Variants in EPCAM observed in about 807,000 individuals in gnomAD.
EPCAM encodes adenocarcinoma-associated antigen.
In EPCAM, 39 loss-of-function variants were observed where a neutral mutation model predicts 40.0. The observed-to-expected ratio is 0.98, with a 90% CI of 0.76 to 1.27. The LOEUF is 1.27. EPCAM is among the 50% of genes most tolerant of loss of function. The pLI is 0.00. For missense variants in EPCAM, 503 were observed against 381.2 expected, an observed-to-expected ratio of 1.32 and a Z score of -2.66; for synonymous variants, 168 against 132.3, an observed-to-expected ratio of 1.27 and a Z score of -1.85.
At chr2:47,379,688 C>A in intron 6 of EPCAM, 81 bp from the exon 7 acceptor site, 2 of 1,489,518 alleles carry the variant, frequency 1.3e-6, no homozygotes, top group Non-Finnish European at 1.8e-6. Context: ...GTTCTTTTGG[C>A]ATACAATTTG....
chr2:47,376,497 T>G (rs529699938), intron 4 of EPCAM, among the ~76,000 whole-genome samples: 1 of 152,258 alleles, frequency 6.6e-6, no homozygotes, highest in South Asian at 2.1e-4. Flanking sequence ...CAACCTCAGG[T>G]GATCTGCCCA....
At chr2:47,378,545 G>T (rs531861074) in intron 5 of EPCAM, among the ~76,000 whole-genome samples, 1 of 151,838 alleles carries the variant, frequency 6.6e-6, no homozygotes, top group African/African-American at 2.4e-5. Flanking sequence ...CAGGTGATCC[G>T]CCCACCTCAG....
intron 4 of EPCAM, among the ~76,000 whole-genome samples, chr2:47,375,740 C>G (rs1380489116): frequency 6.7e-6 from 1 of 148,796 alleles, no homozygotes; most frequent in Non-Finnish European, 1.5e-5. Flanking sequence ...GAGTCTCGCT[C>G]TGTCACCCAG....
At chr2:47,380,797 T>TA (rs1432020999) in intron 7 of EPCAM, among the ~76,000 whole-genome samples, 17 of 152,116 alleles carry the variant, frequency 1.1e-4, no homozygotes, top group African/African-American at 3.6e-4. Flanking sequence ...CAAGAAATCT[T>TA]ACTAACACTG....
intron 3 of EPCAM, 78 bp from the exon 4 acceptor site, chr2:47,375,156 A>T (rs1671388976): frequency 2.7e-6 from 3 of 1,100,410 alleles, no homozygotes; most frequent in Non-Finnish European, 4.1e-6. Context: ...TAATTCGAGA[A>T]TTTTAGGATT....
At position 47,379,022 on chromosome 2, in the gene EPCAM, A is replaced by G. The variant is rs1202678365; in HGVS notation, c.625A>G (p.Ile209Val). 2 of 1,598,836 alleles carry G rather than the reference A, an allele frequency of 1.3e-6. No individual in the cohort carries two copies. Among genetic ancestry groups the G allele is most frequent in the South Asian group, 1.1e-5 (1 of 90,770 alleles). ...SSQKTQNDVD[I>V]ADVAYYFEKD... ...TCAAAAAACTCAGAATGATGTGGAC[A>G]TAGCTGATGTGGCTTATTATTTTGA... The change falls in exon 6 of 9, where the codon ATA (isoleucine) becomes GTA (valine). Residue 209 changes from isoleucine (I) to valine (V), a missense_variant. Ile to Val is a conservative substitution (Grantham distance 29, BLOSUM62 3). Coordinates refer to ENST00000263735, the MANE Select transcript of EPCAM (RefSeq NM_002354.3).
intron 4 of EPCAM, among the ~76,000 whole-genome samples, chr2:47,376,388 C>T (rs1671428299): frequency 6.6e-6 from 1 of 151,764 alleles, no homozygotes; most frequent in Admixed American, 6.6e-5. Flanking sequence ...TCCTGAGTAG[C>T]TGGGATTACA....
intron 3 of EPCAM, among the ~76,000 whole-genome samples, chr2:47,374,469 G>A (rs1671369387): frequency 6.6e-6 from 1 of 152,178 alleles, no homozygotes; most frequent in Non-Finnish European, 1.5e-5. Context: ...TAATGAAAAG[G>A]CACAGAAACC....
At position 47,378,956 on chromosome 2, in the gene EPCAM, G is replaced by A. The variant is rs891924989; in HGVS notation, c.559G>A (p.Glu187Lys). ...ATTATTCAATTTTTTTCCCCAGTAT[G>A]AGAATAATGTTATCACTATTGATCT... Reference protein sequence around the residue: ...DPKFITSILYENNVITIDLVQ... With the variant: ...DPKFITSILYKNNVITIDLVQ... The change falls in exon 6 of 9, where the codon GAG becomes AAG. Residue 187 changes from glutamate to lysine, a missense_variant. Glu to Lys is a moderately conservative substitution (Grantham distance 56). Transcript: ENST00000263735. The A allele has an allele frequency of 1.4e-6, 2 of 1,445,036 alleles. No homozygotes were observed. Among genetic ancestry groups the A allele is most frequent in the African/African-American group, 2.8e-5 (2 of 71,502 alleles). 89.5% of individuals were successfully genotyped at this position (1,445,036 alleles called of 1,614,324 possible). A position where few individuals can be genotyped will look rare whatever the true frequency, so the allele number is the denominator to read the frequency against.
intron 8 of EPCAM, 146 bp from the exon 9 acceptor site, chr2:47,386,421 TTTTTC>T: frequency 1.6e-6 from 1 of 608,422 alleles, no homozygotes; most frequent in Non-Finnish European, 2.8e-6. Context: ...GCAATATAAC[TTTTTC>T]TTTTTTTATT....
intron 1 of EPCAM, among the ~76,000 whole-genome samples, chr2:47,370,145 C>T (rs1671213994): frequency 6.6e-6 from 1 of 152,230 alleles, no homozygotes; most frequent in Non-Finnish European, 1.5e-5. Flanking sequence ...TTCTAAGGAT[C>T]ATATGAGTAA....
intron 1 of EPCAM, among the ~76,000 whole-genome samples, chr2:47,370,705 C>G (rs1006576122): frequency 1.3e-5 from 2 of 151,616 alleles, no homozygotes; most frequent in Non-Finnish European, 2.9e-5. Flanking sequence ...TTATGCCTGG[C>G]TAATTTTTGT....
At chr2:47,378,210 C>T (rs951906652) in intron 5 of EPCAM, among the ~76,000 whole-genome samples, 3 of 151,468 alleles carry the variant, frequency 2.0e-5, no homozygotes, top group Admixed American at 6.6e-5. Flanking sequence ...CCAGCCTGGG[C>T]GACACAGCAA....
intron 4 of EPCAM, among the ~76,000 whole-genome samples, chr2:47,376,402 G>A (rs1338317523): frequency 2.0e-5 from 3 of 151,732 alleles, no homozygotes; most frequent in African/African-American, 4.8e-5. Flanking sequence ...GATTACAGGC[G>A]TGCGCCACCA....
At chr2:47,373,734 T>A in intron 2 of EPCAM, 74 bp from the exon 3 acceptor site, 1 of 1,595,544 alleles carries the variant, frequency 6.3e-7, no homozygotes, top group South Asian at 1.1e-5. Context: ...CCTGGAACTT[T>A]AGAGTTAATT....
At position 47,376,798 on chromosome 2, in the gene EPCAM, A is replaced by G. The variant is rs983397665; in HGVS notation, c.492-216A>G. ...GGGCAGATACTTGGATACTAAGTAAATGTTCTTTTTCTAATTAAACTGGTA... is the reference window on the plus strand; with the variant it reads ...GGGCAGATACTTGGATACTAAGTAAGTGTTCTTTTTCTAATTAAACTGGTA... On this transcript the variant is annotated intron_variant, in intron 4 of 8. Coordinates refer to ENST00000263735, the MANE Select transcript of EPCAM (RefSeq NM_002354.3). Among the ~76,000 whole-genome samples the G allele has an allele frequency of 2.6e-5, 4 of 152,188 alleles. No individual in the cohort carries two copies. The South Asian group carries it at 6.2e-4, about 24-fold the overall frequency.
intron 1 of EPCAM, among the ~76,000 whole-genome samples, chr2:47,372,464 C>T (rs1245706868): frequency 6.6e-6 from 1 of 151,880 alleles, no homozygotes; most frequent in South Asian, 2.1e-4. Context: ...ATGGTGAAAA[C>T]CCGTCTCTAC....
At chr2:47,382,440 A>C (rs1434275951) in intron 7 of EPCAM, among the ~76,000 whole-genome samples, 1 of 152,192 alleles carries the variant, frequency 6.6e-6, no homozygotes, top group Non-Finnish European at 1.5e-5. Context: ...TAATCCCAGC[A>C]CTTTGGGAGG....
At position 47,377,049 on chromosome 2, in the gene EPCAM, T is replaced by C; in HGVS notation, c.527T>C (p.Leu176Pro). 1 of 1,610,666 alleles carries C rather than the reference T, an allele frequency of 6.2e-7. No individual in the cohort carries two copies. The highest frequency in any genetic ancestry group is 2.2e-5 in the East Asian group (1 of 44,856). Residue 176 changes from leucine (L) to proline (P), a missense_variant, in exon 5 of 9, where the codon CTG becomes CCG. Leu to Pro is a moderately conservative substitution (Grantham distance 98). Transcript: ENST00000263735. ...LQKEITTRYQ[L>P]DPKFITSILY... ...AAGGAGATCACAACGCGTTATCAACTGGATCCAAAATTTATCACGAGTATT... is the reference window on the plus strand; with the variant it reads ...AAGGAGATCACAACGCGTTATCAACCGGATCCAAAATTTATCACGAGTATT...
Sources: gnomAD v4.1 joint callset for allele counts (sites outside exome capture counted in the v4.1 genomes callset) on GRCh38, gnomAD v4.1.1 for gene constraint, MANE v1.5 for transcripts, NCBI Gene and HGNC (gene_info 2026-07-23, HGNC 2026-07-21) for gene names.